The following VPS18 variants were observed in gnomAD, a reference collection of about 807,000 sequenced individuals.
VPS18 encodes the protein vacuolar protein sorting-associated protein 18 homolog.
A neutral mutation model predicts 82.0 loss-of-function variants in VPS18; 25 were observed. The observed-to-expected ratio is 0.30, with a 90% confidence interval of 0.22 to 0.43. VPS18 has a LOEUF of 0.43. Among genes scored for constraint, VPS18 ranks in the 20% least tolerant of loss-of-function variants. The pLI is 1.00. For missense variants in VPS18, 1,168 were observed against 1,311.1 expected (o/e 0.89, Z 1.69); for synonymous variants, 523 against 543.0 (o/e 0.96, Z 0.51).
In VPS18 at chr15:40,900,406, C is replaced by T. The variant is rs1312942461; in HGVS notation, c.1588C>T (p.Pro530Ser). 5.0e-6 allele frequency: 8 copies of T among 1,613,922 alleles called. No individual in the cohort carries two copies. Among genetic ancestry groups the T allele is most frequent in the Non-Finnish European group, 6.8e-6 (8 of 1,180,032 alleles). The part of the protein sequence containing the change: ...KECFRTFLSS[P>S]RHKEWLFASR... Reference sequence around the variant, plus strand: ...ATGCTTTCGAACCTTCCTCAGCAGCCCCCGCCACAAAGAGTGGCTCTTTGC... The same window carrying T: ...ATGCTTTCGAACCTTCCTCAGCAGCTCCCGCCACAAAGAGTGGCTCTTTGC... Residue 530 changes from proline (P) to serine (S), a missense_variant, in exon 4 of 5, where the codon CCC (proline) becomes TCC (serine). Physicochemically the swap from Pro to Ser is moderately conservative, Grantham distance 74. Around this residue, in one of 3 missense-constraint regions of VPS18, gnomAD observed 868 missense variants for 939.8 expected, o/e 0.92. Transcript: ENST00000220509. This position sits in a 1 kb window ranked among gnomAD's most constrained non-coding sequence, Gnocchi z 5.4.
chr15:40,901,632 G>A (rs774274298), intron 4 of VPS18, among the ~76,000 whole-genome samples: 44 of 151,600 alleles, frequency 2.9e-4, no homozygotes, highest in Non-Finnish European at 5.3e-4. Context: ...GGGGCCGGGC[G>A]CGGTGGCTCA....
chr15:40,900,447 C>CCATG lies in VPS18; in HGVS notation c.1630_1633dup (p.Glu545AlafsTer2). On this transcript the variant is annotated frameshift_variant, in exon 4 of 5. Coordinates refer to ENST00000220509, the MANE Select transcript of VPS18 (RefSeq NM_020857.3). LOFTEE classifies it high-confidence loss of function. The surrounding 1 kb of genome is among the most constrained non-coding windows in gnomAD (Gnocchi z 5.4). ...GGCTCTTTGCCAGCCGGGCCTCTAT[C>CCATG]CATGAGCTGCTCGCCAGTCATGGGG... is the stretch of plus-strand genomic sequence containing the variant. The CCATG allele has an allele frequency of 6.2e-7, 1 of 1,614,110 alleles. No individual in the cohort carries two copies. Among genetic ancestry groups the CCATG allele is most frequent in the South Asian group, 1.1e-5 (1 of 91,072 alleles).
Position 40,895,920 on chromosome 15 carries a change from G to A in VPS18, c.92-18G>A. On this transcript the variant is annotated intron_variant, in intron 1 of 4. Coordinates refer to ENST00000220509, the MANE Select transcript of VPS18 (RefSeq NM_020857.3). ...TGTCTCTTCCACAGCTAATCTTCTT[G>A]TCATTCCTTACCTGTAGGGTATGTG... The A allele has an allele frequency of 6.2e-7, 1 of 1,613,932 alleles. No individual in the cohort carries two copies. The highest frequency in any genetic ancestry group is 8.5e-7 in the Non-Finnish European group (1 of 1,179,902).
rs776903521 is a variant in VPS18, at chr15:40,900,539, G to A, written c.1721G>A (p.Cys574Tyr). The change falls in exon 4 of 5, where the codon TGT becomes TAT. Residue 574 changes from cysteine to tyrosine, a missense_variant. Physicochemically the swap from Cys to Tyr is radical, Grantham distance 194. Transcript: ENST00000220509. This position sits in a 1 kb window ranked among gnomAD's most constrained non-coding sequence, Gnocchi z 5.4. ...TATGAGCGGGTGGTGGCTTACCACTGTCAGCACGAGGCCTACGAGGAGGCC... is the reference window on the plus strand; with the variant it reads ...TATGAGCGGGTGGTGGCTTACCACTATCAGCACGAGGCCTACGAGGAGGCC... ...QDYERVVAYH[C>Y]QHEAYEEALA... is the part of the protein sequence containing the mutation. 2.5e-6 allele frequency: 4 copies of A among 1,613,866 alleles called. No homozygotes were observed. The highest frequency in any genetic ancestry group is 1.7e-5 in the Admixed American group (1 of 60,012).
At chr15:40,896,195 A>G (rs1892226929) in intron 2 of VPS18, 116 bp downstream of exon 2, 3 of 1,432,424 alleles carry the variant, frequency 2.1e-6, no homozygotes, top group Non-Finnish European at 2.8e-6. Context: ...TGGAGTTTTC[A>G]GGAAATATCC....
intron 2 of VPS18, 25 bp downstream of exon 2, chr15:40,896,104 G>T: frequency 1.2e-6 from 2 of 1,614,024 alleles, no homozygotes; most frequent in Non-Finnish European, 1.7e-6. Context: ...ACAGAGCTTA[G>T]GAGTAGGGAC....
chr15:40,898,046 A>G (rs1011777040), intron 2 of VPS18, among the ~76,000 whole-genome samples: 1 of 152,090 alleles, frequency 6.6e-6, no homozygotes, highest in African/African-American at 2.4e-5. Context: ...GGCTTACTGC[A>G]AGCTCCGCCT....
rs1892289674 is a variant in VPS18, at chr15:40,899,092, T to C, written c.326-52T>C. ...GGTGGTGTGGGGGCCAGGAGGAGGC[T>C]GAGGATGGGAACGGCAGCATCCACT... On this transcript the variant is annotated intron_variant, in intron 3 of 4. Transcript: ENST00000220509. The surrounding 1 kb of genome is among the most constrained non-coding windows in gnomAD (Gnocchi z 4.4). 3 of 1,604,032 alleles carry C rather than the reference T, an allele frequency of 1.9e-6. No homozygotes were observed. Among genetic ancestry groups the C allele is most frequent in the Non-Finnish European group, 2.6e-6 (3 of 1,173,048 alleles).
Position 40,900,650 on chromosome 15 carries a change from T to C in VPS18, c.1832T>C (p.Val611Ala). Residue 611 changes from valine (V) to alanine (A), a missense_variant, in exon 4 of 5, where the codon GTA becomes GCA. This residue lies in a region of VPS18 where 868 missense variants were observed against 939.8 expected (regional missense o/e 0.92). Transcript: ENST00000220509. This position sits in a 1 kb window ranked among gnomAD's most constrained non-coding sequence, Gnocchi z 5.4. Reference protein sequence around the residue: ...ILIRHIPRQLVDAWIEMGSRL... With the variant: ...ILIRHIPRQLADAWIEMGSRL... ...ATCCGTCACATCCCCCGCCAGCTTG[T>C]AGATGCCTGGATTGAGATGGGCAGC... 6.2e-7 allele frequency: 1 copy of C among 1,614,156 alleles called. No individual in the cohort carries two copies. Among genetic ancestry groups the C allele is most frequent in the Non-Finnish European group, 8.5e-7 (1 of 1,180,038 alleles).
intron 2 of VPS18, 87 bp from the exon 3 acceptor site, chr15:40,898,820 A>G: frequency 1.5e-6 from 2 of 1,353,408 alleles, no homozygotes; most frequent in Admixed American, 2.0e-5. Flanking sequence ...AAGTAAGTCT[A>G]TGGCTTTTAT....
chr15:40,899,458 C>T lies in VPS18; in HGVS notation c.640C>T (p.Pro214Ser), dbSNP rs149951531. 3.4e-5 allele frequency: 55 copies of T among 1,608,396 alleles called. No homozygotes were observed. Among genetic ancestry groups the T allele is most frequent in the Non-Finnish European group, 4.6e-5 (54 of 1,176,400 alleles). ...GTGCTCCCTTGAGGCCGAGCGGGGC[C>T]CTGATGGGCGTAGCTTTGTTATTGC... ...PVCSLEAERG[P>S]DGRSFVIATT... is the part of the protein sequence containing the mutation. Residue 214 changes from proline to serine, a missense_variant, in exon 4 of 5, where the codon CCT becomes TCT. Physicochemically the swap from Pro to Ser is moderately conservative, Grantham distance 74. Coordinates refer to ENST00000220509, the MANE Select transcript of VPS18 (RefSeq NM_020857.3). This position sits in a 1 kb window ranked among gnomAD's most constrained non-coding sequence, Gnocchi z 4.4.
chr15:40,902,906 T>C lies in VPS18; in HGVS notation c.2487T>C (p.Ser829=). 1.2e-6 allele frequency: 2 copies of C among 1,614,248 alleles called. No homozygotes were observed. Among genetic ancestry groups the C allele is most frequent in the Non-Finnish European group, 8.5e-7 (1 of 1,180,046 alleles). ...LQREMEEATA[S]AQRIRRDLQE... ...GGGAGATGGAAGAGGCTACAGCCAGTGCCCAGCGCATCCGGCGAGACCTGC... is the reference window on the plus strand; with the variant it reads ...GGGAGATGGAAGAGGCTACAGCCAGCGCCCAGCGCATCCGGCGAGACCTGC... The change falls in exon 5 of 5, where the codon AGT becomes AGC. Residue 829 remains serine, a synonymous_variant. Coordinates refer to ENST00000220509, the MANE Select transcript of VPS18 (RefSeq NM_020857.3). The surrounding 1 kb of genome is among the most constrained non-coding windows in gnomAD (Gnocchi z 4.2).
Position 40,899,814 on chromosome 15 carries a change from G to T in VPS18, c.996G>T (p.Gln332His), listed in dbSNP as rs777919773. Residue 332 changes from glutamine (Q) to histidine (H), a missense_variant, in exon 4 of 5, where the codon CAG becomes CAT. Gln to His is a conservative substitution (Grantham distance 24). Coordinates refer to ENST00000220509, the MANE Select transcript of VPS18 (RefSeq NM_020857.3). The surrounding 1 kb of genome is among the most constrained non-coding windows in gnomAD (Gnocchi z 4.4). ...CACCCCTAGCCATCGTCTTGACCCA[G>T]TTCCACTTCCTGCTGCTACTGGCAG... ...ASPPLAIVLTQFHFLLLLADR... is the reference protein window; with the variant it reads ...ASPPLAIVLTHFHFLLLLADR... The T allele has an allele frequency of 3.3e-5, 53 of 1,610,522 alleles. 1 individual carries two copies. In the Admixed American group the frequency reaches 3.3e-4, roughly 10 times the overall value.
chr15:40,900,955 T>G lies in VPS18; in HGVS notation c.2137T>G (p.Cys713Gly). 1 of 1,611,826 alleles carries G rather than the reference T, an allele frequency of 6.2e-7. No homozygotes were observed. The highest frequency in any genetic ancestry group is 1.1e-5 in the South Asian group (1 of 91,080). Residue 713 changes from cysteine (C) to glycine (G), a missense_variant, in exon 4 of 5, where the codon TGT (cysteine) becomes GGT (glycine). Cys to Gly is a radical substitution (Grantham distance 159). This residue lies in a region of VPS18 where 296 missense variants were observed against 354.0 expected (regional missense o/e 0.84). Coordinates refer to ENST00000220509, the MANE Select transcript of VPS18 (RefSeq NM_020857.3). This position sits in a 1 kb window ranked among gnomAD's most constrained non-coding sequence, Gnocchi z 5.4. ...CGCCGAGCATGGCCACCACCGCGCT[T>G]GTGTCCATGTCTACAAGGTCCTAGA... ...LCAEHGHHRA[C>G]VHVYKVLELY...
intron 2 of VPS18, 66 bp from the exon 3 acceptor site, chr15:40,898,841 A>C (rs1360605021): frequency 6.8e-7 from 1 of 1,470,866 alleles, no homozygotes; most frequent in Non-Finnish European, 9.4e-7. Flanking sequence ...CAGATTATTA[A>C]AGAAGATCAT....
Position 40,902,600 on chromosome 15 carries a change from C to G in VPS18, c.2197-16C>G, listed in dbSNP as rs562943794. 3.7e-4 allele frequency: 592 copies of G among 1,598,170 alleles called. 8 individuals are homozygous for G. The South Asian group carries it at 6.2e-3, about 17-fold the overall frequency. On this transcript the variant is annotated splice_polypyrimidine_tract_variant and intron_variant, in intron 4 of 4. Coordinates refer to ENST00000220509, the MANE Select transcript of VPS18 (RefSeq NM_020857.3). This position sits in a 1 kb window ranked among gnomAD's most constrained non-coding sequence, Gnocchi z 4.2. Reference sequence around the variant, plus strand: ...CAGGGAGGGGCTTGGCCCTAAAGCCCATGCTCTCCCCACAGGTGGATGTGG... The same window carrying G: ...CAGGGAGGGGCTTGGCCCTAAAGCCGATGCTCTCCCCACAGGTGGATGTGG...
Position 40,899,764 on chromosome 15 carries a change from G to A in VPS18, c.946G>A (p.Glu316Lys), listed in dbSNP as rs1468857400. 3 of 1,613,202 alleles carry A rather than the reference G, an allele frequency of 1.9e-6. No homozygotes were observed. The African/African-American group carries it at 4.0e-5, about 22-fold the overall frequency. ...LSEERVWEYP[E>K]GVGPGASPPL... is the part of the protein sequence containing the mutation. ...CGAGGAGCGAGTCTGGGAGTACCCA[G>A]AGGGGGTAGGGCCTGGGGCCAGCCC... is the stretch of plus-strand genomic sequence containing the variant. The change falls in exon 4 of 5, where the codon GAG becomes AAG. Residue 316 changes from glutamate (E) to lysine (K), a missense_variant. This residue lies in a region of VPS18 where 868 missense variants were observed against 939.8 expected (regional missense o/e 0.92). Transcript: ENST00000220509. This position sits in a 1 kb window ranked among gnomAD's most constrained non-coding sequence, Gnocchi z 4.4.
chr15:40,897,594 TTTAG>T (rs1892251344), intron 2 of VPS18, among the ~76,000 whole-genome samples: 1 of 152,234 alleles, frequency 6.6e-6, no homozygotes, highest in African/African-American at 2.4e-5. Context: ...GCATCGATTC[TTTAG>T]TTAGAACAAG....
At chr15:40,896,404 G>A (rs1215090250) in intron 2 of VPS18, among the ~76,000 whole-genome samples, 2 of 152,008 alleles carry the variant, frequency 1.3e-5, no homozygotes, top group African/African-American at 4.8e-5. Context: ...AATTAGCTAG[G>A]TGTGATGGTG....
Sources: allele counts gnomAD v4.1 joint callset (sites outside exome capture counted in the v4.1 genomes callset), GRCh38; gene constraint gnomAD v4.1.1; regional missense constraint gnomAD v4.1.1; non-coding constraint Gnocchi (gnomAD v3.1); transcripts MANE v1.5; gene names NCBI Gene and HGNC (gene_info 2026-07-23, HGNC 2026-07-21).